Variants in MFAP1 observed in about 807,000 individuals in gnomAD.
MFAP1 encodes the protein microfibrillar-associated protein 1.
In MFAP1, 18 loss-of-function variants were observed where a neutral mutation model predicts 62.2. That is an observed-to-expected ratio of 0.29 (90% CI 0.20 to 0.43). The LOEUF is 0.43. MFAP1 is among the 20% of genes least tolerant of loss of function. MFAP1 has a pLI of 1.00. For synonymous variants in MFAP1, 175 were observed against 180.4 expected, an observed-to-expected ratio of 0.97 and a Z score of 0.24; for missense variants, 355 against 559.7, an observed-to-expected ratio of 0.63 and a Z score of 3.69.
chr15:43,822,612 G>A (rs1412716558), intron 1 of MFAP1, among the ~76,000 whole-genome samples: 1 of 152,118 alleles, frequency 6.6e-6, no homozygotes, highest in Non-Finnish European at 1.5e-5. Flanking sequence ...GACCTCAGGT[G>A]ATCCACCCAT....
intron 1 of MFAP1, among the ~76,000 whole-genome samples, chr15:43,817,913 TGCCA>T: frequency 6.6e-6 from 1 of 152,332 alleles, no homozygotes; most frequent in East Asian, 1.9e-4. Flanking sequence ...TATAACATAC[TGCCA>T]CATGACTCAA....
At position 43,814,926 on chromosome 15, in the gene MFAP1, C is replaced by A; in HGVS notation, c.429+19G>T. 1 of 1,611,706 alleles carries A rather than the reference C, an allele frequency of 6.2e-7. No homozygotes were observed. The highest frequency in any genetic ancestry group is 8.5e-7 in the Non-Finnish European group (1 of 1,179,268). ...TTTCTTATATCCAGAAAAAAACTTC[C>A]CATGTTCCTTTATCATACCTCATCA... is the stretch of plus-strand genomic sequence containing the variant. On this transcript the variant is annotated intron_variant, in intron 3 of 8. Coordinates refer to ENST00000267812, the MANE Select transcript of MFAP1 (RefSeq NM_005926.3).
chr15:43,804,616 C>T lies in MFAP1; in HGVS notation c.*478G>A, dbSNP rs2087350117. On this transcript the variant is annotated 3_prime_UTR_variant, in exon 9 of 9. Transcript: ENST00000267812. ...ATTCTTTTATTTCTTGACATGCACA[C>T]ATATATGGATCAAAAAGTATGTACA... 6.5e-6 allele frequency: 1 copy of T among 152,708 alleles called. No individual in the cohort carries two copies. Among genetic ancestry groups the T allele is most frequent in the Admixed American group, 6.5e-5 (1 of 15,268 alleles). 9.5% of individuals were successfully genotyped at this position (152,708 alleles called of 1,614,324 possible).
chr15:43,813,071 T>A lies in MFAP1; in HGVS notation c.803A>T (p.Asp268Val), dbSNP rs1412670549. 6.2e-7 allele frequency: 1 copy of A among 1,614,204 alleles called. No individual in the cohort carries two copies. The highest frequency in any genetic ancestry group is 8.5e-7 in the Non-Finnish European group (1 of 1,180,030). ...SLAALDALNTDDENDEEEYEA... is the reference protein window; with the variant it reads ...SLAALDALNTVDENDEEEYEA... ...ATATTCCTCCTCATCATTTTCATCA[T>A]CAGTATTGAGTGCATCCAATGCAGC... The change falls in exon 6 of 9, where the codon GAT becomes GTT. Residue 268 changes from aspartate to valine, a missense_variant. Asp to Val is a radical substitution (Grantham distance 152). Transcript: ENST00000267812.
chr15:43,810,813 G>C (rs2087395995), intron 6 of MFAP1, among the ~76,000 whole-genome samples: 1 of 151,956 alleles, frequency 6.6e-6, no homozygotes, highest in Non-Finnish European at 1.5e-5. Flanking sequence ...CTGGAGTGCA[G>C]TGGCATGATC....
chr15:43,810,646 C>T (rs1336499872), intron 6 of MFAP1, among the ~76,000 whole-genome samples: 4 of 152,142 alleles, frequency 2.6e-5, no homozygotes, highest in Non-Finnish European at 4.4e-5. Flanking sequence ...GGATTATAGG[C>T]GTGAGCCACT....
chr15:43,815,222 C>T (rs1596057449), intron 2 of MFAP1, 148 bp from the exon 3 acceptor site: 2 of 996,252 alleles, frequency 2.0e-6, no homozygotes, highest in Non-Finnish European at 2.9e-6. Flanking sequence ...CTCTGTCGCC[C>T]AGGCTGCAGT....
chr15:43,805,565 G>A, intron 7 of MFAP1, 100 bp from the exon 8 acceptor site: 2 of 948,092 alleles, frequency 2.1e-6, no homozygotes, highest in Non-Finnish European at 3.1e-6. Context: ...AGAAAGCAGA[G>A]GGTATTGAGC....
rs2087356407 is a variant in MFAP1 at position 43,805,386 on chromosome 15, T to G, written c.1127A>C (p.Lys376Thr). 6.2e-7 allele frequency: 1 copy of G among 1,613,114 alleles called. No homozygotes were observed. Among genetic ancestry groups the G allele is most frequent in the South Asian group, 1.1e-5 (1 of 90,830 alleles). Residue 376 changes from lysine to threonine, a missense_variant, in exon 8 of 9, where the codon AAA (lysine) becomes ACA (threonine). By Grantham distance (78) the Lys-to-Thr change is moderately conservative (BLOSUM62 -1). Around this residue, in one of 6 missense-constraint regions of MFAP1, gnomAD observed 44 missense variants for 80.8 expected, o/e 0.54. Coordinates refer to ENST00000267812, the MANE Select transcript of MFAP1 (RefSeq NM_005926.3). The part of the protein sequence containing the change: ...EDHFNKTILP[K>T]VMQVKNFGRS... Reference sequence around the variant, plus strand: ...TAAGGTTCCCCATACCTGCATGACTTTAGGAAGAATGGTTTTATTGAAATG... The same window carrying G: ...TAAGGTTCCCCATACCTGCATGACTGTAGGAAGAATGGTTTTATTGAAATG...
At chr15:43,805,333 A>C (rs770524246) in intron 8 of MFAP1, 43 bp downstream of exon 8, 5 of 1,603,670 alleles carry the variant, frequency 3.1e-6, no homozygotes, top group Non-Finnish European at 4.3e-6. Context: ...CTCAGCTATC[A>C]ATACATCACT....
At chr15:43,806,348 CTT>C (rs1185826023) in intron 7 of MFAP1, among the ~76,000 whole-genome samples, 1 of 152,204 alleles carries the variant, frequency 6.6e-6, no homozygotes, top group Non-Finnish European at 1.5e-5. Context: ...AACCTCTTCT[CTT>C]TAACTTTTCT....
At chr15:43,822,601 T>C (rs879509606) in intron 1 of MFAP1, among the ~76,000 whole-genome samples, 5 of 152,222 alleles carry the variant, frequency 3.3e-5, no homozygotes, top group African/African-American at 7.2e-5. Context: ...CTCAAACTCC[T>C]GACCTCAGGT....
chr15:43,814,954 A>G lies in MFAP1; in HGVS notation c.420T>C (p.Ile140=). The G allele has an allele frequency of 6.2e-7, 1 of 1,613,854 alleles. No homozygotes were observed. Among genetic ancestry groups the G allele is most frequent in the Non-Finnish European group, 8.5e-7 (1 of 1,179,958 alleles). The change falls in exon 3 of 9, where the codon ATT becomes ATC. Residue 140 remains isoleucine, a synonymous_variant. Transcript: ENST00000267812. ...TGTTCCTTTATCATACCTCATCATC[A>G]ATTTCCTCCTCCTCTTCTTCACTGC... is the stretch of plus-strand genomic sequence containing the variant. ...EDSSEEEEEE[I]DDEEIERRRG...
At position 43,824,570 on chromosome 15, in the gene MFAP1, G is replaced by A. The variant is rs748058112; in HGVS notation, c.-1C>T. 6.2e-6 allele frequency: 10 copies of A among 1,614,200 alleles called. No individual in the cohort carries two copies. The highest frequency in any genetic ancestry group is 8.5e-6 in the Non-Finnish European group (10 of 1,180,032). On this transcript the variant is annotated 5_prime_UTR_variant, in exon 1 of 9. Transcript: ENST00000267812. ...TCATGAGAGCGCTTGGGACCGACAT[G>A]TTGATGGCAGCGACGGTGATTCCCG...
In MFAP1 at chr15:43,820,694, C is replaced by G. The variant is rs552334247; in HGVS notation, c.80-3246G>C. ...AATCATGGCTCACCGCAGCGTCAGC[C>G]TCCTAGGCTCAAACCATTCTCCTGC... On this transcript the variant is annotated intron_variant, in intron 1 of 8. Transcript: ENST00000267812. 2.0e-5 allele frequency among the ~76,000 whole-genome samples: 3 copies of G among 152,320 alleles called. No homozygotes were observed. The South Asian group carries it at 6.2e-4, about 32-fold the overall frequency.
Position 43,824,476 on chromosome 15 carries a change from G to C in MFAP1, c.79+15C>G, listed in dbSNP as rs186697645. 1 of 1,613,918 alleles carries C rather than the reference G, an allele frequency of 6.2e-7. No homozygotes were observed. The highest frequency in any genetic ancestry group is 1.1e-5 in the South Asian group (1 of 91,062). On this transcript the variant is annotated intron_variant, in intron 1 of 8. Transcript: ENST00000267812. ...GGGTTAAAATTCGACTGGGAAGAGG[G>C]TGTTAGCACCGTACCTTTCTCATTG...
intron 7 of MFAP1, 55 bp from the exon 8 acceptor site, chr15:43,805,520 C>A: frequency 7.0e-7 from 1 of 1,421,266 alleles, no homozygotes; most frequent in Non-Finnish European, 9.6e-7. Flanking sequence ...ATATTCAAAC[C>A]ACAAATTTAT....
rs746121259 is a variant in MFAP1 at position 43,813,241 on chromosome 15, C to T, written c.726+8G>A. The T allele has an allele frequency of 5.0e-6, 8 of 1,614,100 alleles. No individual in the cohort carries two copies. In the East Asian group the frequency reaches 1.3e-4, roughly 27 times the overall value. Reference sequence around the variant, plus strand: ...TTGTACTCATTCCTTGCAACCACTCCCCAGTACCTTGAGTGTGTACTTGCG... The same window carrying T: ...TTGTACTCATTCCTTGCAACCACTCTCCAGTACCTTGAGTGTGTACTTGCG... On this transcript the variant is annotated splice_region_variant and intron_variant, in intron 5 of 8. Coordinates refer to ENST00000267812, the MANE Select transcript of MFAP1 (RefSeq NM_005926.3).
At chr15:43,813,496 G>T in intron 4 of MFAP1, 139 bp from the exon 5 acceptor site, 47 of 549,624 alleles carry the variant, frequency 8.6e-5, no homozygotes, top group Non-Finnish European at 1.3e-4. Flanking sequence ...AAAACGCTGA[G>T]TCATCCCAGG....
Sources: allele counts gnomAD v4.1 joint callset (sites outside exome capture counted in the v4.1 genomes callset), GRCh38; gene constraint gnomAD v4.1.1; regional missense constraint gnomAD v4.1.1; transcripts MANE v1.5; gene names NCBI Gene and HGNC (gene_info 2026-07-23, HGNC 2026-07-21).